Variants in PEAK1 observed in about 807,000 individuals in gnomAD.
PEAK1 encodes pseudopodium enriched atypical kinase 1, also known as inactive tyrosine-protein kinase PEAK1.
Under a neutral mutation model 124.7 loss-of-function variants are expected in PEAK1, and 54 were observed. The observed-to-expected ratio is 0.43, with a 90% CI of 0.35 to 0.54. The LOEUF (loss-of-function observed/expected upper bound fraction) is 0.54, where lower values mean the gene tolerates loss of function less well. PEAK1 is among the 20% of genes least tolerant of loss of function. The pLI, the probability that PEAK1 is intolerant of heterozygous loss-of-function variation, is 0.01. For synonymous variants in PEAK1, 719 were observed against 760.0 expected (o/e 0.95, Z 0.89); for missense variants, 2,046 against 2,134.5 (o/e 0.96, Z 0.82).
chr15:77,387,488 C>T (rs907742539), intron 1 of PEAK1, among the ~76,000 whole-genome samples: 1 of 152,218 alleles, frequency 6.6e-6, no homozygotes, highest in African/African-American at 2.4e-5. Context: ...GATTTGCTCA[C>T]AGCTGATGCT....
intron 2 of PEAK1, among the ~76,000 whole-genome samples, chr15:77,343,967 T>G (rs181611249): frequency 3.9e-5 from 6 of 152,322 alleles, no homozygotes. Flanking sequence ...TTCATTCTTT[T>G]TTCATATGGA....
intron 2 of PEAK1, chr15:77,346,495 C>A: frequency 1.0e-6 from 1 of 985,392 alleles, no homozygotes; most frequent in Admixed American, 6.1e-5. Context: ...AATTTTCCTA[C>A]CTGCTAATTG....
intron 9 of PEAK1, among the ~76,000 whole-genome samples, chr15:77,122,463 G>A (rs1171695605): frequency 6.6e-6 from 1 of 152,122 alleles, no homozygotes; most frequent in East Asian, 1.9e-4. Context: ...GAGAAACTGA[G>A]GCACAGAGTA....
chr15:77,211,397 T>A (rs1002480128), intron 6 of PEAK1, among the ~76,000 whole-genome samples: 20 of 152,186 alleles, frequency 1.3e-4, no homozygotes, highest in Admixed American at 2.6e-4. Context: ...TGGATGAAAT[T>A]CTGGGTAGTA....
chr15:77,120,336 A>T (rs974608646), intron 9 of PEAK1, among the ~76,000 whole-genome samples: 2 of 151,966 alleles, frequency 1.3e-5, no homozygotes, highest in Non-Finnish European at 2.9e-5. Context: ...GACCTACTTG[A>T]TTTCTTCCCA....
intron 2 of PEAK1, among the ~76,000 whole-genome samples, chr15:77,341,954 A>T (rs935914052): frequency 6.6e-6 from 1 of 152,130 alleles, no homozygotes; most frequent in African/African-American, 2.4e-5. Flanking sequence ...ATTTTTTAGA[A>T]CAGTTTTAGA....
At chr15:77,163,066 G>C (rs1214053745) in intron 7 of PEAK1, among the ~76,000 whole-genome samples, 1 of 152,120 alleles carries the variant, frequency 6.6e-6, no homozygotes, top group Non-Finnish European at 1.5e-5. Context: ...AATAACTATG[G>C]TGTTGATATC....
chr15:77,320,783 T>C (rs1226291469), intron 2 of PEAK1, among the ~76,000 whole-genome samples: 5 of 152,100 alleles, frequency 3.3e-5, no homozygotes, highest in Admixed American at 3.3e-4. Flanking sequence ...TAACATTAGG[T>C]ACATCTCCTA....
chr15:77,127,296 C>T (rs546518608), intron 9 of PEAK1, among the ~76,000 whole-genome samples: 2 of 152,280 alleles, frequency 1.3e-5, no homozygotes, highest in Admixed American at 6.5e-5. Context: ...ATAAATTTAT[C>T]CTTTTCAGTC....
chr15:77,323,408 TTAAGCTGATAGG>T (rs1306648781), intron 2 of PEAK1, among the ~76,000 whole-genome samples: 5 of 152,304 alleles, frequency 3.3e-5, no homozygotes, highest in African/African-American at 1.2e-4. Context: ...CAAAATCTCC[TTAAGCTGATAGG>T]CAACTTCAGC....
At position 77,195,044 on chromosome 15, in the gene PEAK1, A is replaced by G. The variant is rs143499531; in HGVS notation, c.-114-13004T>C. 2.4e-3 allele frequency among the ~76,000 whole-genome samples: 367 copies of G among 152,272 alleles called. 2 individuals are homozygous for G. Among genetic ancestry groups the G allele is most frequent in the African/African-American group, 8.2e-3 (340 of 41,572 alleles). On this transcript the variant is annotated intron_variant, in intron 6 of 9. Coordinates refer to ENST00000682557, the MANE Select transcript of PEAK1 (RefSeq NM_001385026.1). ...GAAATGTATTTTGGAAAGATTTTTA[A>G]ACAACTTATTTTATTTACTATAAGT...
intron 2 of PEAK1, among the ~76,000 whole-genome samples, chr15:77,332,799 G>A (rs1275269392): frequency 1.3e-5 from 2 of 151,620 alleles, no homozygotes; most frequent in East Asian, 3.9e-4. Flanking sequence ...GTTTACTAAT[G>A]AGTTTGAGGA....
intron 2 of PEAK1, among the ~76,000 whole-genome samples, chr15:77,345,622 C>T (rs1260959121): frequency 6.6e-6 from 1 of 152,180 alleles, no homozygotes; most frequent in Non-Finnish European, 1.5e-5. Context: ...CGGCATACAT[C>T]AATATACAAC....
chr15:77,367,688 TTTCC>T (rs1269259036), intron 1 of PEAK1, among the ~76,000 whole-genome samples: 1 of 152,204 alleles, frequency 6.6e-6, no homozygotes, highest in Non-Finnish European at 1.5e-5. Context: ...AGTTTTCATT[TTTCC>T]TTAAGTTATG....
chr15:77,370,704 A>G, intron 1 of PEAK1: 2 of 985,166 alleles, frequency 2.0e-6, no homozygotes, highest in Non-Finnish European at 2.4e-6. Flanking sequence ...CTATTTCTGC[A>G]TATGTCTTCA....
intron 1 of PEAK1, among the ~76,000 whole-genome samples, chr15:77,410,971 T>C (rs2142111575): frequency 6.6e-6 from 1 of 152,314 alleles, no homozygotes; most frequent in East Asian, 1.9e-4. Context: ...CAGCTGGCAA[T>C]GAAAGCCTAC....
chr15:77,158,780 A>G, intron 7 of PEAK1, 84 bp from the exon 8 acceptor site: 1 of 1,298,658 alleles, frequency 7.7e-7, no homozygotes, highest in Non-Finnish European at 1.1e-6. Context: ...TACTTCCCAT[A>G]AATGTAAATA....
Position 77,179,826 on chromosome 15 carries a change from A to T in PEAK1, c.2101T>A (p.Ser701Thr). ...AACTCTTGAACCTTCTGAGCCACTG[A>T]GCCCCTTTTATGCTCTGTGCTGTTT... Reference protein sequence around the residue: ...FSNSTEHKRGSVAQKVQEFNN... With the variant: ...FSNSTEHKRGTVAQKVQEFNN... The change falls in exon 7 of 10, where the codon TCA (serine) becomes ACA (threonine). Residue 701 changes from serine (S) to threonine (T), a missense_variant. By Grantham distance (58) the Ser-to-Thr change is moderately conservative. Transcript: ENST00000682557. 6.2e-7 allele frequency: 1 copy of T among 1,613,898 alleles called. No homozygotes were observed. Among genetic ancestry groups the T allele is most frequent in the Non-Finnish European group, 8.5e-7 (1 of 1,179,972 alleles).
In PEAK1 at chr15:77,114,085, A is replaced by C. The variant is rs1257373096; in HGVS notation, c.*71T>G. ...TTCTTTCCTTGAATTTGGAGTGAGC[A>C]CTAGGGAGGGGAAGTGCATGGGTGA... On this transcript the variant is annotated 3_prime_UTR_variant, in exon 10 of 10. Transcript: ENST00000682557. 2.0e-6 allele frequency: 3 copies of C among 1,492,970 alleles called. No individual in the cohort carries two copies. Among genetic ancestry groups the C allele is most frequent in the Non-Finnish European group, 2.8e-6 (3 of 1,084,584 alleles). The allele number at this position is 1,492,970 out of a possible 1,614,324, so 92.5% of individuals were successfully genotyped here.
Sources: gnomAD v4.1 joint callset for allele counts (sites outside exome capture counted in the v4.1 genomes callset) on GRCh38, gnomAD v4.1.1 for gene constraint, MANE v1.5 for transcripts, NCBI Gene and HGNC (gene_info 2026-07-23, HGNC 2026-07-21) for gene names.